Variants in CREB5 observed in about 807,000 individuals in gnomAD.
The protein encoded by CREB5 is cyclic AMP-responsive element-binding protein 5.
Under a neutral mutation model 57.1 loss-of-function variants are expected in CREB5, and 19 were observed. The ratio of observed to expected loss-of-function variants is 0.33; its 90% confidence interval spans 0.23 to 0.49. The LOEUF (loss-of-function observed/expected upper bound fraction) is 0.49, where lower values mean the gene tolerates loss of function less well. CREB5 is among the 20% of genes least tolerant of loss of function. The pLI is 0.99. For synonymous variants in CREB5, 238 were observed against 238.3 expected, an observed-to-expected ratio of 1.00 and a Z score of 0.01; for missense variants, 579 against 671.6, an observed-to-expected ratio of 0.86 and a Z score of 1.52.
intron 7 of CREB5, among the ~76,000 whole-genome samples, chr7:28,757,046 A>C (rs1329047363): frequency 6.6e-6 from 1 of 152,192 alleles, no homozygotes; most frequent in African/African-American, 2.4e-5. Context: ...ATCATGTTGC[A>C]TTATTGCCAG....
chr7:28,525,315 AGT>A (rs1470653163), intron 4 of CREB5, among the ~76,000 whole-genome samples: 1 of 152,164 alleles, frequency 6.6e-6, no homozygotes, highest in East Asian at 1.9e-4. Flanking sequence ...TTGATAAACT[AGT>A]TTTATTTCCT....
At chr7:28,609,170 A>G (rs985059292) in intron 5 of CREB5, 2 of 151,862 alleles carry the variant, frequency 1.3e-5, no homozygotes, top group Admixed American at 6.6e-5. Flanking sequence ...TTGAATTAAT[A>G]TGTAGATCTT....
intron 4 of CREB5, among the ~76,000 whole-genome samples, chr7:28,542,584 G>A (rs567754840): frequency 4.7e-4 from 72 of 152,258 alleles, no homozygotes; most frequent in African/African-American, 1.6e-3. Flanking sequence ...GGGTGTGTGT[G>A]TGAGTGTGTG....
intron 8 of CREB5, among the ~76,000 whole-genome samples, chr7:28,805,819 G>A (rs1808694966): frequency 6.6e-6 from 1 of 152,136 alleles, no homozygotes; most frequent in African/African-American, 2.4e-5. Flanking sequence ...CTGGGTAATA[G>A]TAGACTAAAC....
intron 5 of CREB5, among the ~76,000 whole-genome samples, chr7:28,668,415 ATTAC>A (rs1460197114): frequency 5.9e-5 from 9 of 152,204 alleles, no homozygotes; most frequent in South Asian, 4.1e-4. Context: ...TATTTTAGTA[ATTAC>A]TTTTATTATA....
chr7:28,708,541 C>T (rs1481223142), intron 5 of CREB5, among the ~76,000 whole-genome samples: 3 of 152,168 alleles, frequency 2.0e-5, no homozygotes, highest in Admixed American at 6.5e-5. Context: ...AGCAGTGAAT[C>T]GAAGAGCCTT....
intron 1 of CREB5, among the ~76,000 whole-genome samples, chr7:28,369,213 A>C (rs1412996831): frequency 2.0e-5 from 3 of 152,214 alleles, no homozygotes; most frequent in Non-Finnish European, 4.4e-5. Context: ...GTAGTTGTTG[A>C]ATAGACGCAG....
At chr7:28,728,715 C>T (rs1368821558) in intron 7 of CREB5, among the ~76,000 whole-genome samples, 4 of 152,166 alleles carry the variant, frequency 2.6e-5, no homozygotes, top group African/African-American at 9.7e-5. Context: ...CTGAGAAAGG[C>T]CCCATGAATG....
At chr7:28,534,468 A>G (rs1793870934) in intron 4 of CREB5, among the ~76,000 whole-genome samples, 2 of 152,214 alleles carry the variant, frequency 1.3e-5, no homozygotes, top group African/African-American at 4.8e-5. Flanking sequence ...TAAGCTATGT[A>G]GCAATTGAGG....
intron 7 of CREB5, among the ~76,000 whole-genome samples, chr7:28,781,162 G>A (rs1349589214): frequency 2.0e-5 from 3 of 152,170 alleles, no homozygotes; most frequent in Non-Finnish European, 2.9e-5. Flanking sequence ...CACTCTGGAG[G>A]ATCCAGAGAC....
At chr7:28,409,211 A>G (rs895051171), upstream of CREB5, 5 of 150,700 alleles carry the variant, frequency 3.3e-5, no homozygotes, top group African/African-American at 1.2e-4. The surrounding 1 kb of genome is among the most constrained non-coding windows in gnomAD (Gnocchi z 4.4). Flanking sequence ...TCGGGGCGGG[A>G]CCGGGGCGGG....
rs191338003 is a variant in CREB5 at position 28,691,561 on chromosome 7, A to G, written c.465-27192A>G. ...TAGTGGTTAAAAAAGGATGTTTTGT[A>G]GACTGGAGAGAAAGGGACTTCCAAG... On this transcript the variant is annotated intron_variant, in intron 5 of 10. Transcript: ENST00000357727. Among the ~76,000 whole-genome samples the G allele has an allele frequency of 4.2e-3, 643 of 152,094 alleles. 6 individuals carry two copies. Among genetic ancestry groups the G allele is most frequent in the Non-Finnish European group, 7.1e-3 (486 of 68,004 alleles).
intron 1 of CREB5, among the ~76,000 whole-genome samples, chr7:28,403,039 C>A (rs933737398): frequency 1.3e-5 from 2 of 152,164 alleles, no homozygotes; most frequent in African/African-American, 2.4e-5. Context: ...AAAACTAAAT[C>A]ATACTAGGGT....
At chr7:28,319,554 A>C (rs1785451270) in intron 1 of CREB5, among the ~76,000 whole-genome samples, 1 of 152,102 alleles carries the variant, frequency 6.6e-6, no homozygotes, top group East Asian at 1.9e-4. Context: ...CTAGCCCTCC[A>C]TCCACACAGT....
chr7:28,603,856 G>A (rs1055910128), intron 5 of CREB5, among the ~76,000 whole-genome samples: 2 of 152,198 alleles, frequency 1.3e-5, no homozygotes, highest in South Asian at 2.1e-4. Context: ...AGTATTCACA[G>A]AGGTGTAACC....
intron 5 of CREB5, among the ~76,000 whole-genome samples, chr7:28,652,983 G>C (rs972270073): frequency 6.6e-6 from 1 of 152,140 alleles, no homozygotes; most frequent in Non-Finnish European, 1.5e-5. Context: ...TTTAGACTTG[G>C]TATGGCATTG....
chr7:28,719,961 G>T (rs752873664), intron 6 of CREB5, among the ~76,000 whole-genome samples: 1 of 152,208 alleles, frequency 6.6e-6, no homozygotes, highest in South Asian at 2.1e-4. Flanking sequence ...TCAGGAAGCT[G>T]AGGCAGGAGA....
intron 1 of CREB5, among the ~76,000 whole-genome samples, chr7:28,437,727 G>C (rs1442264902): frequency 2.0e-5 from 3 of 152,070 alleles, no homozygotes; most frequent in Non-Finnish European, 4.4e-5. Context: ...GCTATTATTA[G>C]TAATCACATT....
At chr7:28,600,463 G>A (rs1189941773) in intron 5 of CREB5, among the ~76,000 whole-genome samples, 4 of 152,122 alleles carry the variant, frequency 2.6e-5, no homozygotes, top group African/African-American at 9.7e-5. Context: ...GAGAAAACTC[G>A]CTGTAGCAGG....
Sources: allele counts gnomAD v4.1 joint callset (sites outside exome capture counted in the v4.1 genomes callset), GRCh38; gene constraint gnomAD v4.1.1; non-coding constraint Gnocchi (gnomAD v3.1); transcripts MANE v1.5; gene names NCBI Gene and HGNC (gene_info 2026-07-23, HGNC 2026-07-21).